NCAM1: variants seen among roughly 807,000 people sequenced by gnomAD.
NCAM1 encodes the protein neural cell adhesion molecule 1, also known as antigen recognized by monoclonal antibody 5.1H11.
A neutral mutation model predicts 109.8 loss-of-function variants in NCAM1; 14 were observed. The observed-to-expected ratio is 0.13, with a 90% CI of 0.08 to 0.20. The LOEUF is 0.20. NCAM1 is among the 10% of genes least tolerant of loss of function. The pLI is 1.00. For missense variants in NCAM1, 774 were observed against 1,109.9 expected, an observed-to-expected ratio of 0.70 and a Z score of 4.30; for synonymous variants, 418 against 442.9, an observed-to-expected ratio of 0.94 and a Z score of 0.70.
chr11:113,078,302 A>G (rs1228126312), intron 1 of NCAM1, among the ~76,000 whole-genome samples: 3 of 151,834 alleles, frequency 2.0e-5, no homozygotes, highest in Non-Finnish European at 2.9e-5. Flanking sequence ...CTTTAAGGAC[A>G]CGAGTCATTG....
chr11:113,241,267 AT>A (rs1473408716), intron 14 of NCAM1, among the ~76,000 whole-genome samples: 4 of 152,230 alleles, frequency 2.6e-5, no homozygotes, highest in African/African-American at 9.6e-5. Context: ...GGATACAGAC[AT>A]TGAAATTAGA....
At chr11:113,235,368 G>T in intron 14 of NCAM1, 1 of 1,154,652 alleles carries the variant, frequency 8.7e-7, no homozygotes, top group Non-Finnish European at 1.3e-6. Context: ...TTTCTCCAAG[G>T]GGTTGGGGAC....
At chr11:113,081,261 AC>A (rs1235157022) in intron 1 of NCAM1, among the ~76,000 whole-genome samples, 4 of 106,806 alleles carry the variant, frequency 3.7e-5, no homozygotes, top group African/African-American at 7.3e-5. Flanking sequence ...AGATGGCAGG[AC>A]GGGGGTCCCG....
chr11:113,204,661 A>C (rs1196728780), intron 3 of NCAM1, among the ~76,000 whole-genome samples, 157 bp downstream of exon 3: 2 of 152,118 alleles, frequency 1.3e-5, no homozygotes, highest in East Asian at 1.9e-4. Flanking sequence ...GCCAACCCAG[A>C]ACTCACAACC....
chr11:113,098,140 C>T (rs1939694072), intron 1 of NCAM1, among the ~76,000 whole-genome samples: 1 of 152,040 alleles, frequency 6.6e-6, no homozygotes, highest in Admixed American at 6.6e-5. Flanking sequence ...ATCTAAATTC[C>T]AAGGATAAGG....
At position 113,233,926 on chromosome 11, in the gene NCAM1, G is replaced by C. The variant is rs1321222302; in HGVS notation, c.1693+609G>C. Among the ~76,000 whole-genome samples the C allele has an allele frequency of 6.6e-6, 1 of 152,156 alleles. No homozygotes were observed. The highest frequency in any genetic ancestry group is 2.4e-5 in the African/African-American group (1 of 41,428). The stretch of plus-strand genomic sequence containing the variant: ...GGACTCCCCTTTTTGGGTTTAATTG[G>C]AATAACTCAGTGAAGTATGTTTTGT... On this transcript the variant is annotated intron_variant, in intron 13 of 19. Coordinates refer to ENST00000316851, the MANE Select transcript of NCAM1 (RefSeq NM_181351.5). The surrounding 1 kb of genome is among the most constrained non-coding windows in gnomAD (Gnocchi z 4.5).
intron 14 of NCAM1, chr11:113,236,326 C>T (rs782682675): frequency 6.2e-7 from 1 of 1,612,276 alleles, no homozygotes; most frequent in Non-Finnish European, 8.5e-7. Context: ...GTAAGTGCCT[C>T]TTCATACCTC....
chr11:112,982,728 G>C (rs1339034566), intron 1 of NCAM1, among the ~76,000 whole-genome samples: 1 of 151,926 alleles, frequency 6.6e-6, no homozygotes, highest in Non-Finnish European at 1.5e-5. Flanking sequence ...CGCATGGTAA[G>C]AGTAAATGTC....
chr11:113,050,594 GT>G (rs1365724797), intron 1 of NCAM1, among the ~76,000 whole-genome samples: 1 of 151,944 alleles, frequency 6.6e-6, no homozygotes, highest in Non-Finnish European at 1.5e-5. Flanking sequence ...TTGTAGTGTA[GT>G]TTGGAGTTAG....
intron 15 of NCAM1, among the ~76,000 whole-genome samples, chr11:113,249,891 T>G (rs1352973292): frequency 6.6e-6 from 1 of 152,166 alleles, no homozygotes; most frequent in African/African-American, 2.4e-5. Flanking sequence ...ATTCATAAAT[T>G]CCTCAGGAAA....
At chr11:113,053,908 G>A (rs540439696) in intron 1 of NCAM1, among the ~76,000 whole-genome samples, 32 of 152,216 alleles carry the variant, frequency 2.1e-4, no homozygotes, top group Non-Finnish European at 3.2e-4. Context: ...TCCCATGTCC[G>A]CCTTCTCTTC....
At chr11:113,009,319 T>TGTTGTTG (rs60538832) in intron 1 of NCAM1, among the ~76,000 whole-genome samples, 4,372 of 92,306 alleles carry the variant, frequency 0.047, 559 homozygotes, top group East Asian at 0.27. Context: ...CGGGTTTTTT[T>TGTTGTTG]TTTTTTTTTT....
intron 1 of NCAM1, among the ~76,000 whole-genome samples, chr11:113,101,385 G>C (rs1939865593): frequency 6.6e-6 from 1 of 152,180 alleles, no homozygotes; most frequent in East Asian, 1.9e-4. Context: ...GTGTGACCTT[G>C]TTTTTAATAG....
In NCAM1 at chr11:113,277,849, T is replaced by TTAAAAAAAAAAAAAAAAAAAA. The variant is rs1555126924; in HGVS notation, c.*2462_*2463insTAAAAAAAAAAAAAAAAAAAA. The TTAAAAAAAAAAAAAAAAAAAA allele has an allele frequency of 1.6e-5, 1 of 63,250 alleles. No individual in the cohort carries two copies. Among genetic ancestry groups the TTAAAAAAAAAAAAAAAAAAAA allele is most frequent in the African/African-American group, 6.7e-5 (1 of 14,962 alleles). 3.9% of individuals were successfully genotyped at this position (63,250 alleles called of 1,614,324 possible). Reference sequence around the variant, plus strand: ...TCTCAGCATGCAAGAGTTTTTCCTTTAAAAAAAAAAAAAAAAAAAAAAAAA... The same window carrying TTAAAAAAAAAAAAAAAAAAAA: ...TCTCAGCATGCAAGAGTTTTTCCTTTTAAAAAAAAAAAAAAAAAAAAAAAAAAAAAAAAAAAAAAAAAAAAA... On this transcript the variant is annotated 3_prime_UTR_variant, in exon 20 of 20. Coordinates refer to ENST00000316851, the MANE Select transcript of NCAM1 (RefSeq NM_181351.5).
At chr11:113,198,300 G>C (rs529366120) in intron 1 of NCAM1, among the ~76,000 whole-genome samples, 30 of 152,170 alleles carry the variant, frequency 2.0e-4, no homozygotes, top group African/African-American at 6.3e-4. Flanking sequence ...CTATAATGCT[G>C]TGATTATCTA....
chr11:113,207,974 G>A lies in NCAM1; in HGVS notation c.888G>A (p.Gln296=), dbSNP rs1555113165. The change falls in exon 7 of 20, where the codon CAG becomes CAA. Residue 296 remains glutamine (Q), a synonymous_variant. Transcript: ENST00000316851. ...ICIAENKAGE[Q]DATIHLKVFA... is the part of the protein sequence containing the mutation. The stretch of plus-strand genomic sequence containing the variant: ...TTGCTGAGAACAAGGCTGGCGAGCA[G>A]GATGCGACCATCCACCTCAAAGTCT... The A allele has an allele frequency of 6.2e-7, 1 of 1,611,032 alleles. No individual in the cohort carries two copies. Among genetic ancestry groups the A allele is most frequent in the South Asian group, 1.1e-5 (1 of 90,030 alleles).
intron 17 of NCAM1, among the ~76,000 whole-genome samples, chr11:113,267,011 C>T (rs1436935545): frequency 3.9e-5 from 6 of 152,182 alleles, no homozygotes; most frequent in African/African-American, 1.4e-4. Context: ...GTGCCTTCAG[C>T]ATCAAGGAAC....
intron 1 of NCAM1, among the ~76,000 whole-genome samples, chr11:113,143,819 T>C (rs1941918703): frequency 6.6e-6 from 1 of 152,152 alleles, no homozygotes; most frequent in African/African-American, 2.4e-5. Context: ...GCCTGTCCCT[T>C]GCTGTGTCTT....
At chr11:113,095,774 C>T (rs532695707) in intron 1 of NCAM1, among the ~76,000 whole-genome samples, 1 of 152,336 alleles carries the variant, frequency 6.6e-6, no homozygotes, top group African/African-American at 2.4e-5. Context: ...TTGGATTAGC[C>T]TTGTGCTTTA....
Sources: allele counts gnomAD v4.1 joint callset (sites outside exome capture counted in the v4.1 genomes callset), GRCh38; gene constraint gnomAD v4.1.1; non-coding constraint Gnocchi (gnomAD v3.1); transcripts MANE v1.5; gene names NCBI Gene and HGNC (gene_info 2026-07-23, HGNC 2026-07-21).